SLIT3: variants seen among roughly 807,000 people sequenced by gnomAD.
SLIT3 encodes slit homolog 3 protein.
A neutral mutation model predicts 184.0 loss-of-function variants in SLIT3; 68 were observed. The ratio of observed to expected loss-of-function variants is 0.37; its 90% CI spans 0.30 to 0.45. SLIT3 has a LOEUF of 0.45. SLIT3 is among the 20% of genes least tolerant of loss of function. SLIT3 has a pLI of 1.00. For missense variants in SLIT3, 1,707 were observed against 2,026.0 expected (o/e 0.84, Z 3.02); for synonymous variants, 831 against 828.6 (o/e 1.00, Z -0.05).
chr5:168,774,339 G>A lies in SLIT3; in HGVS notation c.1191C>T (p.Asn397=), dbSNP rs141076262. 42 of 1,613,952 alleles carry A rather than the reference G, an allele frequency of 2.6e-5. No homozygotes were observed. The African/African-American group carries it at 5.1e-4, about 19-fold the overall frequency. ...TGAGGTTCTGCAGGTCCTGAAACGTGTTCACCCGCAGGCAGTTGATCTTGT... is the reference window on the plus strand; with the variant it reads ...TGAGGTTCTGCAGGTCCTGAAACGTATTCACCCGCAGGCAGTTGATCTTGT... The part of the protein sequence containing the change: ...NANKINCLRV[N]TFQDLQNLNL... Residue 397 remains asparagine (N), a synonymous_variant, in exon 13 of 36, where the codon AAC becomes AAT. Transcript: ENST00000519560.
intron 10 of SLIT3, among the ~76,000 whole-genome samples, chr5:168,794,555 AT>A (rs1276541641): frequency 6.6e-6 from 1 of 151,976 alleles, no homozygotes; most frequent in Non-Finnish European, 1.5e-5. Context: ...CAGGGTTGGT[AT>A]CACCCGGCAC....
At chr5:169,245,402 T>A (rs1765555176) in intron 2 of SLIT3, among the ~76,000 whole-genome samples, 2 of 152,018 alleles carry the variant, frequency 1.3e-5, no homozygotes, top group African/African-American at 4.8e-5. Context: ...TATAAGTGAG[T>A]CTGGTTCACG....
chr5:168,972,069 G>T (rs1231328364), intron 4 of SLIT3, among the ~76,000 whole-genome samples: 2 of 152,210 alleles, frequency 1.3e-5, no homozygotes, highest in African/African-American at 4.8e-5. Context: ...CTGCGAGGAA[G>T]GTCCCTCTGG....
chr5:169,192,790 G>A (rs976122465), intron 4 of SLIT3, among the ~76,000 whole-genome samples: 1 of 152,236 alleles, frequency 6.6e-6, no homozygotes, highest in African/African-American at 2.4e-5. Context: ...GTTCACTGTC[G>A]ATAATTTAAT....
rs568451847 is a variant in SLIT3 at position 168,674,609 on chromosome 5, G to A, written c.3687-1278C>T. The stretch of plus-strand genomic sequence containing the variant: ...TGGGTTCAAGCAATTCTCCTGCCTC[G>A]GCCTCCTAAGTAGCTGGGATTACAG... On this transcript the variant is annotated intron_variant, in intron 32 of 35. Coordinates refer to ENST00000519560, the MANE Select transcript of SLIT3 (RefSeq NM_003062.4). Among the ~76,000 whole-genome samples the A allele has an allele frequency of 4.0e-5, 6 of 149,862 alleles. No homozygotes were observed. In the South Asian group the frequency reaches 1.1e-3, roughly 27 times the overall value.
chr5:168,739,245 G>A (rs1462657669), intron 20 of SLIT3, among the ~76,000 whole-genome samples: 2 of 152,064 alleles, frequency 1.3e-5, no homozygotes, highest in Admixed American at 6.5e-5. Flanking sequence ...CAAAGCGTAA[G>A]ACAGATCGGT....
At chr5:169,116,790 A>G (rs1372844088) in intron 4 of SLIT3, among the ~76,000 whole-genome samples, 1 of 152,200 alleles carries the variant, frequency 6.6e-6, no homozygotes, top group East Asian at 1.9e-4. Flanking sequence ...GCTGGGGAAA[A>G]GTCCTCAAGC....
At chr5:168,828,446 C>T (rs1757771394) in intron 6 of SLIT3, among the ~76,000 whole-genome samples, 1 of 151,802 alleles carries the variant, frequency 6.6e-6, no homozygotes, top group Admixed American at 6.6e-5. Context: ...GCCTGGGCAA[C>T]ATAGGGAGAA....
chr5:169,017,961 T>C (rs974278698), intron 4 of SLIT3: 2 of 152,200 alleles, frequency 1.3e-5, no homozygotes, highest in Admixed American at 6.5e-5. Context: ...CTAGATTCTC[T>C]TGCTGACGAG....
rs1467404895 is a variant in SLIT3 at position 168,884,566 on chromosome 5, A to ATATATATATATATAT, written c.414-1245_414-1231dup. ...AATTACGAGATATATATATATATAT[A>ATATATATATATATAT]TATATATATATATATGAAATTCCAC... On this transcript the variant is annotated intron_variant, in intron 4 of 35. Coordinates refer to ENST00000519560, the MANE Select transcript of SLIT3 (RefSeq NM_003062.4). Among the ~76,000 whole-genome samples, 6 of 122,064 alleles carry ATATATATATATATAT rather than the reference A, an allele frequency of 4.9e-5. 1 individual carries two copies. The Admixed American group carries it at 5.0e-4, about 10-fold the overall frequency. 80.1% of individuals were successfully genotyped at this position (122,064 alleles called of 152,430 possible). A position where few individuals can be genotyped will look rare whatever the true frequency, so the allele number is the denominator to read the frequency against.
At chr5:168,695,027 C>G (rs1340757717) in intron 28 of SLIT3, among the ~76,000 whole-genome samples, 1 of 152,176 alleles carries the variant, frequency 6.6e-6, no homozygotes, top group Non-Finnish European at 1.5e-5. Flanking sequence ...GTGGTACGTT[C>G]CTACAGTTTC....
chr5:168,951,815 T>C (rs1010487288), intron 4 of SLIT3, among the ~76,000 whole-genome samples: 3 of 152,308 alleles, frequency 2.0e-5, no homozygotes, highest in East Asian at 1.9e-4. Flanking sequence ...CCTATAAAAC[T>C]GTCTCATGAA....
At chr5:168,932,454 C>A (rs1231972452) in intron 4 of SLIT3, among the ~76,000 whole-genome samples, 1 of 151,616 alleles carries the variant, frequency 6.6e-6, no homozygotes, top group Non-Finnish European at 1.5e-5. Context: ...CCCTAGGAGA[C>A]AGAAAGACTA....
chr5:168,915,720 A>G (rs1241994950), intron 4 of SLIT3, among the ~76,000 whole-genome samples: 1 of 152,084 alleles, frequency 6.6e-6, no homozygotes, highest in Non-Finnish European at 1.5e-5. Context: ...AATTTGGACT[A>G]GCCATATTTT....
chr5:168,897,647 T>TGCATACACAC (rs3223457), intron 4 of SLIT3, among the ~76,000 whole-genome samples: 1 of 141,414 alleles, frequency 7.1e-6, no homozygotes, highest in African/African-American at 2.6e-5. Flanking sequence ...CAGGTGCACG[T>TGCATACACAC]ACACACACAC....
At chr5:169,044,575 G>A (rs1757559872) in intron 4 of SLIT3, among the ~76,000 whole-genome samples, 1 of 145,806 alleles carries the variant, frequency 6.9e-6, no homozygotes, top group Non-Finnish European at 1.5e-5. Context: ...TTTGCTGGGG[G>A]CTGGAGGAAG....
intron 4 of SLIT3, among the ~76,000 whole-genome samples, chr5:169,009,811 G>T (rs557951324): frequency 6.6e-6 from 1 of 152,292 alleles, no homozygotes; most frequent in African/African-American, 2.4e-5. Flanking sequence ...GTAATATAGG[G>T]TATAATTAAA....
intron 28 of SLIT3, 134 bp from the exon 29 acceptor site, chr5:168,692,834 G>A (rs894778484): frequency 9.7e-5 from 61 of 629,336 alleles, no homozygotes; most frequent in Admixed American, 9.1e-4. Flanking sequence ...GGGCATGGAC[G>A]TCAGGAGTCC....
intron 28 of SLIT3, among the ~76,000 whole-genome samples, chr5:168,695,808 C>T (rs1242388841): frequency 6.6e-6 from 1 of 152,098 alleles, no homozygotes; most frequent in Non-Finnish European, 1.5e-5. Context: ...GTTATGTTCT[C>T]TTTCTAATGA....
Sources: gnomAD v4.1 joint callset for allele counts (sites outside exome capture counted in the v4.1 genomes callset) on GRCh38, gnomAD v4.1.1 for gene constraint, MANE v1.5 for transcripts, NCBI Gene and HGNC (gene_info 2026-07-23, HGNC 2026-07-21) for gene names.